Variants in LRRC28 observed in about 807,000 individuals in gnomAD.
The protein encoded by LRRC28 is leucine rich repeat containing 28, also known as leucine-rich repeat-containing protein 28.
LRRC28 carries 39 observed loss-of-function variants against 45.7 expected under a neutral mutation model. The ratio of observed to expected loss-of-function variants is 0.85; its 90% CI spans 0.66 to 1.12. The LOEUF (loss-of-function observed/expected upper bound fraction) is 1.12, where lower values mean the gene tolerates loss of function less well. LRRC28 is among the 50% of genes most tolerant of loss of function. LRRC28 has a pLI of 0.00. For synonymous variants in LRRC28, 206 were observed against 178.8 expected, an observed-to-expected ratio of 1.15 and a Z score of -1.22; for missense variants, 435 against 438.5, an observed-to-expected ratio of 0.99 and a Z score of 0.07.
chr15:99,276,759 GT>G, intron 3 of LRRC28, 143 bp downstream of exon 3: 2 of 519,108 alleles, frequency 3.9e-6, no homozygotes, highest in Non-Finnish European at 6.5e-6. Flanking sequence ...TAGACCTGTG[GT>G]TCTACTAAAC....
intron 9 of LRRC28, among the ~76,000 whole-genome samples, chr15:99,368,560 T>G (rs1387735010): frequency 6.6e-6 from 1 of 152,202 alleles, no homozygotes; most frequent in East Asian, 1.9e-4. Flanking sequence ...AAGGTTGCCC[T>G]ACCCTTGGGC....
chr15:99,352,487 C>T lies in LRRC28; in HGVS notation c.695+16C>T. 6.3e-7 allele frequency: 1 copy of T among 1,580,796 alleles called. No individual in the cohort carries two copies. The highest frequency in any genetic ancestry group is 8.7e-7 in the Non-Finnish European group (1 of 1,155,520). On this transcript the variant is annotated intron_variant, in intron 7 of 9. Transcript: ENST00000301981. ...GGTGCAGTGGGTAAGGCCGATTTCA[C>T]ATTTTGAACTAAAAAATAGATTAAC...
intron 5 of LRRC28, among the ~76,000 whole-genome samples, chr15:99,320,351 A>G (rs1955752223): frequency 6.6e-6 from 1 of 152,198 alleles, no homozygotes. Flanking sequence ...TTATGAATAT[A>G]TAGCAAGCCT....
chr15:99,349,750 G>A (rs748417658), intron 6 of LRRC28, among the ~76,000 whole-genome samples: 41 of 152,066 alleles, frequency 2.7e-4, no homozygotes, highest in Admixed American at 5.2e-4. Context: ...ACCAAAAACC[G>A]GATCAAAAAA....
chr15:99,274,321 G>C (rs907646536), intron 2 of LRRC28, among the ~76,000 whole-genome samples: 6 of 152,100 alleles, frequency 3.9e-5, no homozygotes, highest in African/African-American at 1.2e-4. Flanking sequence ...CATTAATAAT[G>C]ACATTTTCTG....
chr15:99,256,295 C>A (rs2081019714), intron 2 of LRRC28, 170 bp downstream of exon 2: 2 of 508,528 alleles, frequency 3.9e-6, no homozygotes, highest in Non-Finnish European at 6.4e-6. Flanking sequence ...AATTTGTTAT[C>A]CAAGTTCGTG....
intron 1 of LRRC28, among the ~76,000 whole-genome samples, chr15:99,253,273 A>G (rs963466154): frequency 6.6e-6 from 1 of 152,130 alleles, no homozygotes; most frequent in Non-Finnish European, 1.5e-5. Context: ...GGCGCCCGCC[A>G]CCAAACCCAG....
rs1292408026 is a variant in LRRC28 at position 99,390,674 on chromosome 15, C to T, written c.*4572C>T. On this transcript the variant is annotated 3_prime_UTR_variant, in exon 10 of 10. Transcript: ENST00000301981. ...ATTGAGCTTGAACCATGTGAATGCT[C>T]AGAATGTCAATGGTGGAGTATTTAT... The T allele has an allele frequency of 1.3e-5, 2 of 152,174 alleles. No homozygotes were observed. Among genetic ancestry groups the T allele is most frequent in the South Asian group, 2.1e-4 (1 of 4,826 alleles). The allele number at this position is 152,174 out of a possible 1,614,324, so 9.4% of individuals were successfully genotyped here. A position where few individuals can be genotyped will look rare whatever the true frequency, so the allele number is the denominator to read the frequency against.
chr15:99,306,046 G>A (rs1368410898), intron 5 of LRRC28, among the ~76,000 whole-genome samples: 1 of 152,102 alleles, frequency 6.6e-6, no homozygotes, highest in African/African-American at 2.4e-5. Flanking sequence ...TTTCCCTTTT[G>A]TCTTCATTTA....
Position 99,256,005 on chromosome 15 carries a change from G to A in LRRC28, c.48G>A (p.Lys16=). The change falls in exon 2 of 10, where the codon AAG becomes AAA. Residue 16 remains lysine (K), a synonymous_variant. Coordinates refer to ENST00000301981, the MANE Select transcript of LRRC28 (RefSeq NM_144598.5). ...CGATCTCTGTGGCAAGGCTAGAAAA[G>A]CACAAGAATTTGTTCTTAAATTATA... ...CKTISVARLE[K]HKNLFLNYRN... 6.2e-7 allele frequency: 1 copy of A among 1,613,240 alleles called. No homozygotes were observed. The highest frequency in any genetic ancestry group is 1.3e-5 in the African/African-American group (1 of 74,998).
chr15:99,294,265 T>C (rs368469657), intron 5 of LRRC28, among the ~76,000 whole-genome samples: 1 of 152,222 alleles, frequency 6.6e-6, no homozygotes, highest in East Asian at 1.9e-4. Flanking sequence ...ACATTTCCTC[T>C]CTTTCTGGAA....
At chr15:99,361,047 A>G (rs1369375803) in intron 7 of LRRC28, 1 of 232,794 alleles carries the variant, frequency 4.3e-6, no homozygotes, top group Non-Finnish European at 8.2e-6. Flanking sequence ...AGTAAAATTT[A>G]CAAAGCAAAT....
At chr15:99,348,552 T>C (rs1956768685) in intron 6 of LRRC28, among the ~76,000 whole-genome samples, 1 of 152,196 alleles carries the variant, frequency 6.6e-6, no homozygotes, top group African/African-American at 2.4e-5. Flanking sequence ...TTATGTCCTC[T>C]TGGTGCCCAT....
Position 99,289,532 on chromosome 15 carries a change from A to G in LRRC28, c.385+1581A>G, listed in dbSNP as rs193125228. Among the ~76,000 whole-genome samples, 133 of 152,332 alleles carry G rather than the reference A, an allele frequency of 8.7e-4. No homozygotes were observed. In the Middle Eastern group the frequency reaches 0.01, roughly 12 times the overall value. On this transcript the variant is annotated intron_variant, in intron 5 of 9. Coordinates refer to ENST00000301981, the MANE Select transcript of LRRC28 (RefSeq NM_144598.5). The stretch of plus-strand genomic sequence containing the variant: ...ACCCATGAATGAAAAAATCTATGGT[A>G]TTTCTTTGTTTTTTCAAGTACAGAA...
chr15:99,350,449 C>A (rs1025904919), intron 6 of LRRC28, among the ~76,000 whole-genome samples: 3 of 152,208 alleles, frequency 2.0e-5, no homozygotes, highest in African/African-American at 7.2e-5. Flanking sequence ...CTTTCTGGGA[C>A]AAATTGTCCA....
intron 1 of LRRC28, chr15:99,251,757 G>A (rs2080799668): frequency 6.6e-6 from 1 of 152,278 alleles, no homozygotes; most frequent in Non-Finnish European, 1.5e-5. Context: ...CTGATACCGG[G>A]TCCGTGAAAT....
At chr15:99,256,326 A>G in intron 2 of LRRC28, 1 of 418,250 alleles carries the variant, frequency 2.4e-6, no homozygotes, top group Non-Finnish European at 4.1e-6. Flanking sequence ...GTTGCCGGAG[A>G]AGTTGTGTAG....
intron 7 of LRRC28, among the ~76,000 whole-genome samples, chr15:99,360,566 A>G (rs1035517602): frequency 4.6e-5 from 7 of 152,210 alleles, no homozygotes; most frequent in African/African-American, 1.7e-4. Context: ...CTGTCCCCTA[A>G]GCTTCATTGC....
chr15:99,363,274 G>A lies in LRRC28; in HGVS notation c.1031+9G>A. The A allele has an allele frequency of 6.2e-7, 1 of 1,613,494 alleles. No homozygotes were observed. The highest frequency in any genetic ancestry group is 8.5e-7 in the Non-Finnish European group (1 of 1,179,720). On this transcript the variant is annotated intron_variant, in intron 9 of 9. Transcript: ENST00000301981. Reference sequence around the variant, plus strand: ...GCAGGGCTGCACCAGTGGTAATCATGCCTAAGTGGGCACCAGGGTTTACAC... The same window carrying A: ...GCAGGGCTGCACCAGTGGTAATCATACCTAAGTGGGCACCAGGGTTTACAC...
Sources: gnomAD v4.1 joint callset for allele counts (sites outside exome capture counted in the v4.1 genomes callset) on GRCh38, gnomAD v4.1.1 for gene constraint, MANE v1.5 for transcripts, NCBI Gene and HGNC (gene_info 2026-07-23, HGNC 2026-07-21) for gene names.